SLCO2B1: variants seen among roughly 807,000 people sequenced by gnomAD.
SLCO2B1 encodes the protein solute carrier organic anion transporter family member 2B1.
In SLCO2B1, 41 loss-of-function variants were observed where a neutral mutation model predicts 67.3. The observed-to-expected ratio is 0.61, with a 90% CI of 0.47 to 0.79. The LOEUF (loss-of-function observed/expected upper bound fraction) is 0.79. SLCO2B1 is among the 30% of genes least tolerant of loss of function. The pLI, the probability that SLCO2B1 is intolerant of heterozygous loss-of-function variation, is 0.00. For synonymous variants in SLCO2B1, 379 were observed against 381.4 expected (o/e 0.99, Z 0.07); for missense variants, 837 against 920.1 (o/e 0.91, Z 1.17).
rs73488744 is a variant in SLCO2B1, at chr11:75,182,761, T to C, written c.973-5375T>C. Among the ~76,000 whole-genome samples the C allele has an allele frequency of 8.8e-3, 1,335 of 150,878 alleles. 22 individuals are homozygous for C. The highest frequency in any genetic ancestry group is 0.029 in the African/African-American group (1,175 of 41,180). ...TGTTAAAAAAAAAAAAAGTGCAATG[T>C]AGACCAAATAGGAATGTACACGTGG... is the stretch of plus-strand genomic sequence containing the variant. On this transcript the variant is annotated intron_variant, in intron 7 of 13. Coordinates refer to ENST00000289575, the MANE Select transcript of SLCO2B1 (RefSeq NM_007256.5).
Position 75,196,574 on chromosome 11 carries a change from C to A in SLCO2B1, c.1494C>A (p.Asp498Glu), listed in dbSNP as rs552133259. 6.2e-7 allele frequency: 1 copy of A among 1,613,966 alleles called. No individual in the cohort carries two copies. The highest frequency in any genetic ancestry group is 8.5e-7 in the Non-Finnish European group (1 of 1,180,012). ...SCMEACSCPL[D>E]GFNPVCDPST... ...TGGAGGCCTGCTCCTGCCCATTGGA[C>A]GGCTTTAACCCTGTCTGCGACCCCA... The change falls in exon 10 of 14, where the codon GAC becomes GAA. Residue 498 changes from aspartate (D) to glutamate (E), a missense_variant. Transcript: ENST00000289575.
At chr11:75,173,976 A>G (rs1463910711) in intron 7 of SLCO2B1, among the ~76,000 whole-genome samples, 1 of 151,624 alleles carries the variant, frequency 6.6e-6, no homozygotes, top group Non-Finnish European at 1.5e-5. Flanking sequence ...CTAATTTTGT[A>G]TTTTTAGTAG....
At chr11:75,181,263 G>C (rs927741841) in intron 7 of SLCO2B1, among the ~76,000 whole-genome samples, 1 of 151,892 alleles carries the variant, frequency 6.6e-6, no homozygotes, top group Non-Finnish European at 1.5e-5. Flanking sequence ...CCAGCTACTT[G>C]GGAGGCTGAG....
At chr11:75,169,639 G>C (rs752601566) in intron 5 of SLCO2B1, 27 bp from the exon 6 acceptor site, 2 of 1,579,306 alleles carry the variant, frequency 1.3e-6, no homozygotes, top group East Asian at 4.5e-5. Context: ...AGGGCCAGAG[G>C]ATCCTAACTC....
At chr11:75,168,663 T>C (rs1949922186) in intron 4 of SLCO2B1, among the ~76,000 whole-genome samples, 1 of 152,222 alleles carries the variant, frequency 6.6e-6, no homozygotes, top group East Asian at 1.9e-4. Context: ...CCTTCAGCCC[T>C]GGCCTTGCCC....
At chr11:75,174,021 C>T (rs1949996066) in intron 7 of SLCO2B1, among the ~76,000 whole-genome samples, 1 of 152,028 alleles carries the variant, frequency 6.6e-6, no homozygotes. Context: ...AGGCTGGTCT[C>T]GAACCCCTAA....
rs1057184841 is a variant in SLCO2B1 at position 75,200,541 on chromosome 11, C to T, written c.1763+154C>T. On this transcript the variant is annotated intron_variant, in intron 11 of 13. Transcript: ENST00000289575. ...CTTAACTGTGTTCATCCCATGGCAA[C>T]CTACTGAGGCAAGGTTTTCTCCCCA... 3.3e-5 allele frequency: 21 copies of T among 643,964 alleles called. No homozygotes were observed. In the African/African-American group the frequency reaches 3.6e-4, roughly 11 times the overall value. 39.9% of individuals were successfully genotyped at this position (643,964 alleles called of 1,614,324 possible). A position where few individuals can be genotyped will look rare whatever the true frequency, so the allele number is the denominator to read the frequency against.
At chr11:75,181,559 C>T (rs1458444915) in intron 7 of SLCO2B1, among the ~76,000 whole-genome samples, 3 of 152,042 alleles carry the variant, frequency 2.0e-5, no homozygotes, top group Non-Finnish European at 4.4e-5. Flanking sequence ...CCATATCACC[C>T]CAGAGTCCAC....
At position 75,151,176 on chromosome 11, in the gene SLCO2B1, T is replaced by C; in HGVS notation, c.-206T>C. 3.5e-6 allele frequency: 2 copies of C among 578,742 alleles called. No homozygotes were observed. The highest frequency in any genetic ancestry group is 6.2e-6 in the Non-Finnish European group (2 of 325,086). 35.9% of individuals were successfully genotyped at this position (578,742 alleles called of 1,614,324 possible). ...GGGGCTGAGTTTGAGCAAGACTCCCTAACCTGTGTCTGGACAAGTCTGATG... is the reference window on the plus strand; with the variant it reads ...GGGGCTGAGTTTGAGCAAGACTCCCCAACCTGTGTCTGGACAAGTCTGATG... On this transcript the variant is annotated 5_prime_UTR_variant, in exon 1 of 14. Transcript: ENST00000289575.
chr11:75,191,167 G>C (rs924271289), intron 8 of SLCO2B1, among the ~76,000 whole-genome samples: 2 of 152,058 alleles, frequency 1.3e-5, no homozygotes, highest in African/African-American at 4.8e-5. Flanking sequence ...AGGGAGGATG[G>C]ACCTTGTACT....
intron 4 of SLCO2B1, among the ~76,000 whole-genome samples, chr11:75,168,184 C>T (rs1339704558): frequency 4.6e-5 from 7 of 152,272 alleles, no homozygotes; most frequent in Admixed American, 1.3e-4. Context: ...TGAGCCACAG[C>T]GCCTGGCCAA....
At chr11:75,192,904 C>A (rs1945044606) in intron 8 of SLCO2B1, among the ~76,000 whole-genome samples, 1 of 152,048 alleles carries the variant, frequency 6.6e-6, no homozygotes, top group Admixed American at 6.6e-5. Context: ...AATTAGCCAG[C>A]ATGGTGGTGC....
rs77695551 is a variant in SLCO2B1 at position 75,188,106 on chromosome 11, G to C, written c.973-30G>C. On this transcript the variant is annotated intron_variant, in intron 7 of 13. Coordinates refer to ENST00000289575, the MANE Select transcript of SLCO2B1 (RefSeq NM_007256.5). ...CTGAGTGGGGTTGCTGGCATCCAGC[G>C]GACTGTCCTTGGTTTTGTGTCTCCT... 11 of 1,539,496 alleles carry C rather than the reference G, an allele frequency of 7.1e-6. No individual in the cohort carries two copies. In the South Asian group the frequency reaches 1.1e-4, roughly 16 times the overall value.
rs557530782 is a variant in SLCO2B1, at chr11:75,162,197, T to C, written c.17-458T>C. 2.6e-5 allele frequency among the ~76,000 whole-genome samples: 4 copies of C among 152,270 alleles called. No homozygotes were observed. In the South Asian group the frequency reaches 8.3e-4, roughly 32 times the overall value. On this transcript the variant is annotated intron_variant, in intron 1 of 13. Coordinates refer to ENST00000289575, the MANE Select transcript of SLCO2B1 (RefSeq NM_007256.5). ...ATGGACCTAGCCTTGACCCTGCACC[T>C]GCCCCAGATCTCTGATCCTAGACTG...
At chr11:75,192,620 G>A (rs541655440) in intron 8 of SLCO2B1, among the ~76,000 whole-genome samples, 3 of 152,204 alleles carry the variant, frequency 2.0e-5, no homozygotes, top group Admixed American at 6.5e-5. Context: ...TGGGATGGAC[G>A]AAATTGAATC....
chr11:75,167,590 A>G (rs1277355295), intron 4 of SLCO2B1, among the ~76,000 whole-genome samples: 1 of 152,172 alleles, frequency 6.6e-6, no homozygotes, highest in Admixed American at 6.5e-5. Flanking sequence ...GTTCTGTGCC[A>G]GGCCCTCTGC....
intron 8 of SLCO2B1, among the ~76,000 whole-genome samples, chr11:75,190,553 T>G (rs1225275440): frequency 1.3e-5 from 2 of 152,010 alleles, no homozygotes; most frequent in Non-Finnish European, 2.9e-5. Flanking sequence ...TGATGGAGGT[T>G]ACGTAGTCCC....
chr11:75,186,500 C>T (rs548767398), intron 7 of SLCO2B1, among the ~76,000 whole-genome samples: 14 of 151,792 alleles, frequency 9.2e-5, no homozygotes, highest in South Asian at 4.2e-4. Flanking sequence ...TGAGCCGCCA[C>T]GCCCGACTGA....
chr11:75,174,710 G>A (rs1428732152), intron 7 of SLCO2B1, among the ~76,000 whole-genome samples: 5 of 152,196 alleles, frequency 3.3e-5, no homozygotes, highest in Non-Finnish European at 7.3e-5. Context: ...CTTAAAGGTG[G>A]AGTGATGTTT....
Sources: allele counts gnomAD v4.1 joint callset (sites outside exome capture counted in the v4.1 genomes callset), GRCh38; gene constraint gnomAD v4.1.1; transcripts MANE v1.5; gene names NCBI Gene and HGNC (gene_info 2026-07-23, HGNC 2026-07-21).